Variants in CHUK observed in about 807,000 individuals in gnomAD.
CHUK encodes the protein inhibitor of nuclear factor kappa-B kinase subunit alpha.
CHUK carries 35 observed loss-of-function variants against 104.8 expected under a neutral mutation model. That is an observed-to-expected ratio of 0.33 (90% CI 0.26 to 0.44). The LOEUF (loss-of-function observed/expected upper bound fraction) is 0.44, where lower values mean the gene tolerates loss of function less well. Among genes scored for constraint, CHUK ranks in the 20% least tolerant of loss-of-function variants. The pLI is 1.00. For synonymous variants in CHUK, 276 were observed against 291.9 expected, an observed-to-expected ratio of 0.95 and a Z score of 0.56; for missense variants, 663 against 902.7, an observed-to-expected ratio of 0.73 and a Z score of 3.40.
At chr10:100,211,117 T>C (rs1589590361) in intron 9 of CHUK, among the ~76,000 whole-genome samples, 1 of 152,290 alleles carries the variant, frequency 6.6e-6, no homozygotes. Context: ...CAAATCTGAA[T>C]TGATGTTTTC....
chr10:100,214,756 A>G (rs1176749637), intron 9 of CHUK, among the ~76,000 whole-genome samples: 1 of 152,252 alleles, frequency 6.6e-6, no homozygotes, highest in Non-Finnish European at 1.5e-5. Flanking sequence ...AAAGAAAACT[A>G]TGCAAGCCTT....
At chr10:100,187,517 T>C (rs1845073406), downstream of CHUK, 1 of 152,220 alleles carries the variant, frequency 6.6e-6, no homozygotes, top group Non-Finnish European at 1.5e-5. Flanking sequence ...AATAACTTGC[T>C]CCATACCCTG....
intron 11 of CHUK, 88 bp from the exon 12 acceptor site, chr10:100,205,287 T>C (rs534721213): frequency 1.5e-6 from 2 of 1,360,876 alleles, no homozygotes; most frequent in South Asian, 2.3e-5. Flanking sequence ...TGTGATTTCC[T>C]GTCCACACAA....
chr10:100,188,902 T>C lies in CHUK; in HGVS notation c.*696A>G, dbSNP rs1023472763. ...TTATAAATTAACAGGCATCTTCTCT[T>C]TGATATTATTAAATGTACATCTTAA... On this transcript the variant is annotated 3_prime_UTR_variant, in exon 21 of 21. Coordinates refer to ENST00000370397, the MANE Select transcript of CHUK (RefSeq NM_001278.5). 2 of 152,194 alleles carry C rather than the reference T, an allele frequency of 1.3e-5. No individual in the cohort carries two copies. The highest frequency in any genetic ancestry group is 4.8e-5 in the African/African-American group (2 of 41,456). The allele number at this position is 152,194 out of a possible 1,614,324, so 9.4% of individuals were successfully genotyped here. A position where few individuals can be genotyped will look rare whatever the true frequency, so the allele number is the denominator to read the frequency against.
rs960011278 is a variant in CHUK, at chr10:100,188,517, CA to C, written c.*1080del. On this transcript the variant is annotated 3_prime_UTR_variant, in exon 21 of 21. Transcript: ENST00000370397. Reference sequence around the variant, plus strand: ...CTGAAACCCTTGGGGCAAGTTGTTTCAGAATTATGAAATTTTAGATTTTAGA... The same window carrying C: ...CTGAAACCCTTGGGGCAAGTTGTTTCGAATTATGAAATTTTAGATTTTAGA... 1.3e-5 allele frequency: 2 copies of C among 152,590 alleles called. No individual in the cohort carries two copies. The highest frequency in any genetic ancestry group is 4.8e-5 in the African/African-American group (2 of 41,418). 9.5% of individuals were successfully genotyped at this position (152,590 alleles called of 1,614,324 possible).
chr10:100,217,926 A>T, intron 9 of CHUK, 69 bp downstream of exon 9: 1 of 1,372,224 alleles, frequency 7.3e-7, no homozygotes, highest in Non-Finnish European at 1.0e-6. Context: ...AACTGTATTT[A>T]TGCTAATTTT....
At chr10:100,206,134 A>G (rs548926524) in intron 11 of CHUK, among the ~76,000 whole-genome samples, 1 of 152,270 alleles carries the variant, frequency 6.6e-6, no homozygotes, top group South Asian at 2.1e-4. Context: ...TAGAACAGAA[A>G]AAGGATATTA....
chr10:100,206,638 T>C (rs1845597098), intron 11 of CHUK, among the ~76,000 whole-genome samples: 2 of 152,230 alleles, frequency 1.3e-5, no homozygotes, highest in Admixed American at 6.5e-5. Flanking sequence ...TATCAAACTA[T>C]ATGATCTGTG....
chr10:100,229,476 C>G lies in CHUK; in HGVS notation c.57G>C (p.Glu19Asp). The part of the protein sequence containing the change: ...PGAGGPWEMR[E>D]RLGTGGFGNV... ...TCCCGAAGCCGCCGGTGCCCAGCCG[C>G]TCCCGCATCTCCCAGGGCCCGCCCG... The change falls in exon 1 of 21, where the codon GAG (glutamate) becomes GAC (aspartate). Residue 19 changes from glutamate to aspartate, a missense_variant. By Grantham distance (45) the Glu-to-Asp change is conservative. This residue lies in a region of CHUK where 44 missense variants were observed against 39.2 expected (regional missense o/e 1.12). Coordinates refer to ENST00000370397, the MANE Select transcript of CHUK (RefSeq NM_001278.5). 6.3e-7 allele frequency: 1 copy of G among 1,598,004 alleles called. No homozygotes were observed. Among genetic ancestry groups the G allele is most frequent in the Non-Finnish European group, 8.5e-7 (1 of 1,176,038 alleles).
At chr10:100,193,228 A>G in intron 19 of CHUK, 70 bp downstream of exon 19, 2 of 1,551,580 alleles carry the variant, frequency 1.3e-6, no homozygotes, top group South Asian at 1.1e-5. Context: ...GACTACCTTA[A>G]CAACTACTGC....
intron 11 of CHUK, among the ~76,000 whole-genome samples, chr10:100,206,253 T>TA (rs1845589023): frequency 7.2e-6 from 1 of 139,320 alleles, no homozygotes; most frequent in Non-Finnish European, 1.7e-5. Context: ...TTTTTTTTAC[T>TA]TTTTAATATT....
chr10:100,211,698 G>C (rs1845732444), intron 9 of CHUK, among the ~76,000 whole-genome samples: 1 of 152,110 alleles, frequency 6.6e-6, no homozygotes, highest in African/African-American at 2.4e-5. Flanking sequence ...ATTCCACTGT[G>C]TATATATACC....
Position 100,200,660 on chromosome 10 carries a change from T to G in CHUK, c.1679+11A>C. 3.3e-6 allele frequency: 4 copies of G among 1,224,294 alleles called. No homozygotes were observed. Among genetic ancestry groups the G allele is most frequent in the South Asian group, 1.2e-5 (1 of 83,264 alleles). The allele number at this position is 1,224,294 out of a possible 1,614,324, so 75.8% of individuals were successfully genotyped here. ...CAGATGTCAAGACCAACAACACAAG[T>G]GCATCCTTACAGAGATTCCATCAAG... On this transcript the variant is annotated intron_variant, in intron 15 of 20. Coordinates refer to ENST00000370397, the MANE Select transcript of CHUK (RefSeq NM_001278.5).
intron 10 of CHUK, among the ~76,000 whole-genome samples, chr10:100,208,969 A>G (rs1845657570): frequency 6.6e-6 from 1 of 152,112 alleles, no homozygotes; most frequent in Non-Finnish European, 1.5e-5. Flanking sequence ...GGCCTCCACA[A>G]ACAAGTTTAT....
At chr10:100,192,642 C>A (rs1845230902) in intron 19 of CHUK, 1 of 985,928 alleles carries the variant, frequency 1.0e-6, no homozygotes, top group Admixed American at 6.1e-5. Flanking sequence ...AGAAAAGCGA[C>A]AATACACAAG....
intron 9 of CHUK, among the ~76,000 whole-genome samples, chr10:100,211,446 T>C (rs1845727952): frequency 6.6e-6 from 1 of 152,170 alleles, no homozygotes; most frequent in South Asian, 2.1e-4. Context: ...GCTGCCGTAA[T>C]TTTTGGACCT....
At chr10:100,216,580 T>C (rs983507039) in intron 9 of CHUK, among the ~76,000 whole-genome samples, 2 of 152,194 alleles carry the variant, frequency 1.3e-5, no homozygotes, top group African/African-American at 4.8e-5. Flanking sequence ...GGCGCACACC[T>C]GTAGTCCCAT....
At chr10:100,220,542 A>T in intron 5 of CHUK, 46 bp downstream of exon 5, 2 of 1,255,852 alleles carry the variant, frequency 1.6e-6, no homozygotes, top group Non-Finnish European at 2.3e-6. Context: ...TATATCAGAG[A>T]GACTATATTC....
At chr10:100,215,234 AAAG>A (rs1845828259) in intron 9 of CHUK, among the ~76,000 whole-genome samples, 1 of 151,710 alleles carries the variant, frequency 6.6e-6, no homozygotes, top group African/African-American at 2.4e-5. Flanking sequence ...AAAAAAAAAA[AAAG>A]AAGTAGATTT....
Sources: allele counts gnomAD v4.1 joint callset (sites outside exome capture counted in the v4.1 genomes callset), GRCh38; gene constraint gnomAD v4.1.1; regional missense constraint gnomAD v4.1.1; transcripts MANE v1.5; gene names NCBI Gene and HGNC (gene_info 2026-07-23, HGNC 2026-07-21).